TRIM9: variants seen among roughly 807,000 people sequenced by gnomAD.
The protein encoded by TRIM9 is E3 ubiquitin-protein ligase TRIM9.
A neutral mutation model predicts 78.3 loss-of-function variants in TRIM9; 26 were observed. That is an observed-to-expected ratio of 0.33 (90% CI 0.24 to 0.46). The LOEUF (loss-of-function observed/expected upper bound fraction) is 0.46, where lower values mean the gene tolerates loss of function less well. TRIM9 is among the 20% of genes least tolerant of loss of function. TRIM9 has a pLI of 1.00. For missense variants in TRIM9, 787 were observed against 1,036.4 expected (o/e 0.76, Z 3.30); for synonymous variants, 398 against 416.5 (o/e 0.96, Z 0.54).
intron 1 of TRIM9, among the ~76,000 whole-genome samples, chr14:51,076,436 G>A (rs2140273762): frequency 6.6e-6 from 1 of 152,246 alleles, no homozygotes; most frequent in Admixed American, 6.5e-5. Context: ...CCAGGGGAGG[G>A]ACCCACATGT....
At chr14:50,983,494 A>C in intron 8 of TRIM9, 73 bp from the exon 9 acceptor site, 1 of 1,192,088 alleles carries the variant, frequency 8.4e-7, no homozygotes, top group Non-Finnish European at 1.2e-6. Flanking sequence ...TATACGCTTA[A>C]AAAGCACCAG....
At chr14:51,033,748 T>A (rs965683563) in intron 1 of TRIM9, among the ~76,000 whole-genome samples, 1 of 152,204 alleles carries the variant, frequency 6.6e-6, no homozygotes, top group Admixed American at 6.5e-5. Flanking sequence ...CCAAAACAAA[T>A]TTTTATCTGT....
chr14:51,026,536 T>C (rs1013582322), intron 1 of TRIM9, among the ~76,000 whole-genome samples: 2 of 152,172 alleles, frequency 1.3e-5, no homozygotes, highest in African/African-American at 4.8e-5. Flanking sequence ...TTTCCTGCAC[T>C]GTCTTCTTTT....
intron 1 of TRIM9, among the ~76,000 whole-genome samples, chr14:51,030,644 T>C (rs1596221386): frequency 1.3e-5 from 2 of 152,124 alleles, no homozygotes; most frequent in South Asian, 2.1e-4. Context: ...TATGTGTATG[T>C]GGGTAAGAAT....
chr14:51,014,409 A>G (rs1402925382), intron 3 of TRIM9, among the ~76,000 whole-genome samples: 1 of 152,100 alleles, frequency 6.6e-6, no homozygotes. Context: ...CTGGCTCTCA[A>G]TCCCTCACTC....
intron 7 of TRIM9, among the ~76,000 whole-genome samples, chr14:50,989,474 T>C (rs999242994): frequency 6.6e-6 from 1 of 152,158 alleles, no homozygotes; most frequent in Non-Finnish European, 1.5e-5. Context: ...CATTTTTTTT[T>C]CACAATACAT....
At chr14:51,043,644 C>G (rs77832461) in intron 1 of TRIM9, among the ~76,000 whole-genome samples, 1 of 152,152 alleles carries the variant, frequency 6.6e-6, no homozygotes, top group African/African-American at 2.4e-5. Context: ...ACCTAGAGAA[C>G]TTTTATCCCT....
chr14:50,982,409 G>A, intron 10 of TRIM9: 2 of 446,730 alleles, frequency 4.5e-6, no homozygotes, highest in Non-Finnish European at 4.2e-6. Context: ...CCTGGTGACT[G>A]GCAGAACAGT....
intron 7 of TRIM9, among the ~76,000 whole-genome samples, chr14:50,989,829 G>C (rs974999550): frequency 3.3e-5 from 5 of 151,946 alleles, no homozygotes; most frequent in Non-Finnish European, 7.4e-5. Context: ...CTCTTTCCTG[G>C]ACTTCTTTCC....
At chr14:51,055,285 C>T (rs1391802846) in intron 1 of TRIM9, among the ~76,000 whole-genome samples, 1 of 152,134 alleles carries the variant, frequency 6.6e-6, no homozygotes, top group Non-Finnish European at 1.5e-5. Flanking sequence ...TTTCTTATCA[C>T]GTTGATTACA....
At chr14:51,037,402 T>C (rs1265905681) in intron 1 of TRIM9, among the ~76,000 whole-genome samples, 1 of 152,134 alleles carries the variant, frequency 6.6e-6, no homozygotes, top group Non-Finnish European at 1.5e-5. Context: ...TTATCCTGCA[T>C]GCATGACCTA....
At chr14:51,062,283 T>C (rs1171147220) in intron 1 of TRIM9, among the ~76,000 whole-genome samples, 3 of 152,296 alleles carry the variant, frequency 2.0e-5, no homozygotes, top group African/African-American at 7.2e-5. Flanking sequence ...TACCAACATC[T>C]GGGCCATCTT....
At chr14:51,025,080 T>A (rs944824091) in intron 2 of TRIM9, among the ~76,000 whole-genome samples, 185 bp downstream of exon 2, 2 of 152,186 alleles carry the variant, frequency 1.3e-5, no homozygotes, top group African/African-American at 4.8e-5. Flanking sequence ...TGGCAAAAAG[T>A]AACTACCTCA....
At chr14:51,074,625 C>G (rs79020585) in intron 1 of TRIM9, among the ~76,000 whole-genome samples, 1 of 152,162 alleles carries the variant, frequency 6.6e-6, no homozygotes, top group East Asian at 1.9e-4. Context: ...CCTTCCACCC[C>G]ACCCTGCCCT....
intron 3 of TRIM9, among the ~76,000 whole-genome samples, chr14:51,018,792 C>T (rs1334190511): frequency 6.6e-6 from 1 of 152,174 alleles, no homozygotes; most frequent in Admixed American, 6.5e-5. Context: ...AAACTGAAAG[C>T]TAGAATTTTT....
intron 1 of TRIM9, among the ~76,000 whole-genome samples, chr14:51,054,093 A>T (rs2060683740): frequency 6.6e-6 from 1 of 152,200 alleles, no homozygotes; most frequent in Admixed American, 6.5e-5. Flanking sequence ...TCATTTTGAC[A>T]TCATTAAAAA....
intron 5 of TRIM9, among the ~76,000 whole-genome samples, chr14:51,007,652 C>T (rs565530466): frequency 1.3e-5 from 2 of 152,156 alleles, no homozygotes; most frequent in Non-Finnish European, 2.9e-5. Context: ...ATGAGTTATA[C>T]GTAGAACACT....
At chr14:50,984,297 C>T (rs2052409692) in intron 8 of TRIM9, among the ~76,000 whole-genome samples, 1 of 152,138 alleles carries the variant, frequency 6.6e-6, no homozygotes, top group Non-Finnish European at 1.5e-5. Flanking sequence ...ATTCCTAAAA[C>T]ATTTGCAGGA....
intron 3 of TRIM9, among the ~76,000 whole-genome samples, chr14:51,015,523 T>C (rs1331606510): frequency 3.2e-5 from 4 of 126,736 alleles, no homozygotes; most frequent in African/African-American, 9.6e-5. Context: ...TTTTTTTTTT[T>C]TTTTTTTTTT....
Sources: allele counts gnomAD v4.1 joint callset (sites outside exome capture counted in the v4.1 genomes callset), GRCh38; gene constraint gnomAD v4.1.1; transcripts MANE v1.5; gene names NCBI Gene and HGNC (gene_info 2026-07-23, HGNC 2026-07-21).